Variants in TTC28 observed in about 807,000 individuals in gnomAD.
TTC28 encodes tetratricopeptide repeat protein 28.
Under a neutral mutation model 198.0 loss-of-function variants are expected in TTC28, and 61 were observed. The ratio of observed to expected loss-of-function variants is 0.31; its 90% CI spans 0.25 to 0.38. TTC28 has a LOEUF of 0.38. Ranked by LOEUF, TTC28 falls within the 10% of genes least tolerant of loss-of-function variation. TTC28 has a pLI of 1.00. For synonymous variants in TTC28, 1,171 were observed against 1,297.8 expected (o/e 0.90, Z 2.10); for missense variants, 2,678 against 3,164.0 (o/e 0.85, Z 3.69).
chr22:28,381,204 A>C (rs922351439), intron 2 of TTC28, among the ~76,000 whole-genome samples: 1 of 151,976 alleles, frequency 6.6e-6, no homozygotes, highest in African/African-American at 2.4e-5. Context: ...GGAAATGAGG[A>C]ATTTGAGGTC....
rs373678743 is a variant in TTC28 at position 28,679,753 on chromosome 22, G to C, written c.-30C>G. 2.5e-3 allele frequency: 2,882 copies of C among 1,145,670 alleles called. 121 individuals are homozygous for C. The East Asian group carries it at 0.08, about 32-fold the overall frequency. The allele number at this position is 1,145,670 out of a possible 1,614,324, so 71.0% of individuals were successfully genotyped here. A position where few individuals can be genotyped will look rare whatever the true frequency, so the allele number is the denominator to read the frequency against. On this transcript the variant is annotated 5_prime_UTR_variant, in exon 1 of 23. Transcript: ENST00000397906. ...ACGGGGCCCGGGCCGCGTCCGCCTC[G>C]AGCTAACGGTCCCGCCAGCTAGGCG... is the stretch of plus-strand genomic sequence containing the variant.
chr22:28,577,731 C>G (rs1430522283), intron 2 of TTC28, among the ~76,000 whole-genome samples: 1 of 152,094 alleles, frequency 6.6e-6, no homozygotes, highest in Non-Finnish European at 1.5e-5. Flanking sequence ...TCCTTTGTCT[C>G]TTTTTATAGT....
chr22:28,618,793 G>A (rs1001526643), intron 2 of TTC28, among the ~76,000 whole-genome samples: 1 of 151,446 alleles, frequency 6.6e-6, no homozygotes, highest in Non-Finnish European at 1.5e-5. Flanking sequence ...TACCAGAGAA[G>A]ACAGCAGCAA....
intron 2 of TTC28, among the ~76,000 whole-genome samples, chr22:28,507,225 G>A (rs1004573811): frequency 5.9e-5 from 9 of 152,130 alleles, no homozygotes; most frequent in African/African-American, 2.2e-4. Context: ...CCAACCTGAT[G>A]GAGTGAGCTG....
chr22:28,274,432 CT>C (rs1932280165), intron 5 of TTC28, among the ~76,000 whole-genome samples: 1 of 152,194 alleles, frequency 6.6e-6, no homozygotes, highest in Non-Finnish European at 1.5e-5. Flanking sequence ...ACTACTCCTT[CT>C]TTGGGTTCAA....
chr22:28,470,138 C>A (rs1031055103), intron 2 of TTC28, among the ~76,000 whole-genome samples: 1 of 152,218 alleles, frequency 6.6e-6, no homozygotes, highest in Non-Finnish European at 1.5e-5. Flanking sequence ...AGCCACCACA[C>A]TCAGCCTAGA....
At chr22:28,133,121 G>A (rs1943098775) in intron 6 of TTC28, among the ~76,000 whole-genome samples, 1 of 152,206 alleles carries the variant, frequency 6.6e-6, no homozygotes, top group Admixed American at 6.5e-5. Flanking sequence ...TACTCAGGAG[G>A]CTGAGGCAGG....
chr22:28,179,225 T>G (rs914206543), intron 5 of TTC28, among the ~76,000 whole-genome samples: 10 of 151,164 alleles, frequency 6.6e-5, no homozygotes, highest in African/African-American at 1.9e-4. Flanking sequence ...AGTGGTGCAA[T>G]CTCAGCTCAC....
chr22:28,243,006 A>G (rs1158026798), intron 5 of TTC28, among the ~76,000 whole-genome samples: 1 of 150,470 alleles, frequency 6.6e-6, no homozygotes, highest in Admixed American at 6.6e-5. Context: ...TCAATCTGAC[A>G]GAGTCATTTT....
At chr22:28,384,298 G>C (rs1244720098) in intron 2 of TTC28, among the ~76,000 whole-genome samples, 1 of 152,000 alleles carries the variant, frequency 6.6e-6, no homozygotes, top group African/African-American at 2.4e-5. Context: ...ATGTTGCCCA[G>C]GCTGATCTCA....
At chr22:28,628,779 A>G (rs1051910641) in intron 2 of TTC28, among the ~76,000 whole-genome samples, 12 of 152,106 alleles carry the variant, frequency 7.9e-5, no homozygotes, top group African/African-American at 2.9e-4. Flanking sequence ...CTTTCTATAA[A>G]AAATACAAAA....
chr22:28,582,305 C>T (rs895811191), intron 2 of TTC28, among the ~76,000 whole-genome samples: 1 of 151,772 alleles, frequency 6.6e-6, no homozygotes, highest in African/African-American at 2.4e-5. Flanking sequence ...AGAGCTTAAA[C>T]AGAACAACTT....
chr22:28,593,132 T>A (rs1214858047), intron 2 of TTC28, among the ~76,000 whole-genome samples: 2 of 148,628 alleles, frequency 1.3e-5, no homozygotes, highest in Non-Finnish European at 2.9e-5. Flanking sequence ...CCTAAATATA[T>A]GGCAGAAGCT....
chr22:28,313,637 G>C (rs186745076), intron 2 of TTC28, among the ~76,000 whole-genome samples: 1 of 152,056 alleles, frequency 6.6e-6, no homozygotes, highest in Non-Finnish European at 1.5e-5. Context: ...ATAGAGGCAC[G>C]AAAGGCCTTC....
intron 2 of TTC28, among the ~76,000 whole-genome samples, chr22:28,467,185 C>A (rs773868062): frequency 5.6e-4 from 85 of 152,194 alleles, no homozygotes; most frequent in Non-Finnish European, 1.1e-3. Context: ...CTTTGGGAGA[C>A]CCAGGCAGGA....
At chr22:28,202,492 G>A (rs1164417058) in intron 5 of TTC28, among the ~76,000 whole-genome samples, 1 of 150,656 alleles carries the variant, frequency 6.6e-6, no homozygotes, top group Non-Finnish European at 1.5e-5. Flanking sequence ...AGCCAAGATC[G>A]CACCACTGCA....
chr22:28,539,129 T>C (rs1336387450), intron 2 of TTC28, among the ~76,000 whole-genome samples: 2 of 152,060 alleles, frequency 1.3e-5, no homozygotes, highest in African/African-American at 4.8e-5. Context: ...GTAAATTTGA[T>C]TGTGAACATA....
At chr22:28,157,689 T>C (rs1226673135) in intron 6 of TTC28, among the ~76,000 whole-genome samples, 1 of 152,118 alleles carries the variant, frequency 6.6e-6, no homozygotes, top group Non-Finnish European at 1.5e-5. Context: ...CAATTGATGC[T>C]GAAAAAGCAT....
rs577091067 is a variant in TTC28, at chr22:28,351,114, G to A, written c.382-44471C>T. Among the ~76,000 whole-genome samples, 22 of 152,078 alleles carry A rather than the reference G, an allele frequency of 1.4e-4. No individual in the cohort carries two copies. In the South Asian group the frequency reaches 2.1e-3, roughly 14 times the overall value. On this transcript the variant is annotated intron_variant, in intron 2 of 22. Transcript: ENST00000397906. The stretch of plus-strand genomic sequence containing the variant: ...AGGAGGATGGCATGAACCCGGGAGC[G>A]GAGCTTGCAGTGAGCCGAGATCGTG...
Sources: gnomAD v4.1 joint callset for allele counts (sites outside exome capture counted in the v4.1 genomes callset) on GRCh38, gnomAD v4.1.1 for gene constraint, MANE v1.5 for transcripts, NCBI Gene and HGNC (gene_info 2026-07-23, HGNC 2026-07-21) for gene names.